Variants in TRERF1 observed in about 807,000 individuals in gnomAD.
The protein encoded by TRERF1 is transcriptional regulating factor 1.
TRERF1 carries 27 observed loss-of-function variants against 122.9 expected under a neutral mutation model. The observed-to-expected ratio is 0.22, with a 90% confidence interval of 0.16 to 0.30. The LOEUF (loss-of-function observed/expected upper bound fraction) is 0.30, where lower values mean the gene tolerates loss of function less well. TRERF1 is among the 10% of genes least tolerant of loss of function. The pLI, the probability that TRERF1 is intolerant of heterozygous loss-of-function variation, is 1.00. For synonymous variants in TRERF1, 636 were observed against 641.7 expected, an observed-to-expected ratio of 0.99 and a Z score of 0.13; for missense variants, 1,248 against 1,560.3, an observed-to-expected ratio of 0.80 and a Z score of 3.37.
At chr6:42,417,332 C>A (rs1255001455) in intron 2 of TRERF1, among the ~76,000 whole-genome samples, 6 of 17,538 alleles carry the variant, frequency 3.4e-4, no homozygotes, top group Admixed American at 6.7e-4. Context: ...CCCACGGACC[C>A]CACTCCACTC....
At chr6:42,451,444 C>G (rs1279180807) in intron 1 of TRERF1, among the ~76,000 whole-genome samples, 183 bp from the exon 2 acceptor site, 1 of 151,882 alleles carries the variant, frequency 6.6e-6, no homozygotes, top group African/African-American at 2.4e-5. Flanking sequence ...TGTGCTCCCC[C>G]ACCCAGGGTA....
intron 3 of TRERF1, among the ~76,000 whole-genome samples, chr6:42,344,183 A>G (rs376280655): frequency 1.6e-4 from 24 of 152,124 alleles, no homozygotes; most frequent in Admixed American, 1.2e-3. Flanking sequence ...CCATGCCCCC[A>G]CTATTGTTCC....
At position 42,263,562 on chromosome 6, in the gene TRERF1, C is replaced by T; in HGVS notation, c.1642G>A (p.Gly548Arg). 6.5e-7 allele frequency: 1 copy of T among 1,536,312 alleles called. No homozygotes were observed. Among genetic ancestry groups the T allele is most frequent in the East Asian group, 2.3e-5 (1 of 43,844 alleles). ...GGCTGAGGCGGCAGGACCTTCTCTCCTTCCTCCTACACAGACAATAAAGGC... is the reference window on the plus strand; with the variant it reads ...GGCTGAGGCGGCAGGACCTTCTCTCTTTCCTCCTACACAGACAATAAAGGC... The change falls in exon 8 of 18, where the codon GGA becomes AGA. Residue 548 changes from glycine (G) to arginine (R), a missense_variant. Coordinates refer to ENST00000372922, the Ensembl canonical transcript of TRERF1. The surrounding 1 kb of genome is among the most constrained non-coding windows in gnomAD (Gnocchi z 5.6).
intron 3 of TRERF1, among the ~76,000 whole-genome samples, chr6:42,306,421 T>C (rs961147470): frequency 6.6e-6 from 1 of 152,210 alleles, no homozygotes; most frequent in African/African-American, 2.4e-5. Flanking sequence ...GGCAGATCAC[T>C]TAATCAGGCC....
intron 3 of TRERF1, among the ~76,000 whole-genome samples, chr6:42,306,973 G>C (rs2150314323): frequency 6.6e-6 from 1 of 152,274 alleles, no homozygotes; most frequent in Admixed American, 6.5e-5. Flanking sequence ...AGGGATGCCT[G>C]GGTTTCACCT....
At position 42,269,629 on chromosome 6, in the gene TRERF1, A is replaced by T; in HGVS notation, c.-39T>A. The T allele has an allele frequency of 3.1e-6, 5 of 1,594,080 alleles. No homozygotes were observed. Among genetic ancestry groups the T allele is most frequent in the Non-Finnish European group, 4.3e-6 (5 of 1,168,758 alleles). On this transcript the variant is annotated 5_prime_UTR_variant, in exon 5 of 18. The change abolishes an upstream ATG in the 5' untranslated region. Coordinates refer to ENST00000372922, the Ensembl canonical transcript of TRERF1. The surrounding 1 kb of genome is among the most constrained non-coding windows in gnomAD (Gnocchi z 4.9). ...GTTGTGAACGTCCAGCCACAAAACC[A>T]TAAAAAAGGTAAATAAAACAAACCC...
intron 4 of TRERF1, among the ~76,000 whole-genome samples, chr6:42,272,038 A>T (rs987767814): frequency 1.4e-4 from 21 of 152,254 alleles, no homozygotes; most frequent in Admixed American, 7.2e-4. Context: ...CCACTGGATA[A>T]ATTTAAAACA....
chr6:42,274,002 G>C (rs1020385080), intron 4 of TRERF1, among the ~76,000 whole-genome samples: 1 of 152,202 alleles, frequency 6.6e-6, no homozygotes, highest in Non-Finnish European at 1.5e-5. Context: ...AGTTGCAGGA[G>C]GCTATTCTTT....
intron 4 of TRERF1, among the ~76,000 whole-genome samples, chr6:42,291,432 A>C (rs1784301686): frequency 6.6e-6 from 1 of 151,668 alleles, no homozygotes. Flanking sequence ...TGTGAAAAAG[A>C]AGCTGATGCA....
chr6:42,265,938 T>A (rs980540827), intron 5 of TRERF1, 141 bp from the exon 6 acceptor site: 5 of 816,308 alleles, frequency 6.1e-6, no homozygotes, highest in Non-Finnish European at 1.0e-5. Context: ...CCCATTCATG[T>A]CCACTCACTC....
At chr6:42,290,182 C>T (rs1436195827) in intron 4 of TRERF1, among the ~76,000 whole-genome samples, 1 of 152,190 alleles carries the variant, frequency 6.6e-6, no homozygotes, top group African/African-American at 2.4e-5. Context: ...CACCAGTCAG[C>T]ACACCGCTTC....
intron 3 of TRERF1, among the ~76,000 whole-genome samples, chr6:42,357,408 A>G (rs1485623314): frequency 6.6e-6 from 1 of 151,900 alleles, no homozygotes; most frequent in Non-Finnish European, 1.5e-5. Context: ...ACGAGCACAG[A>G]TGAGGCTACT....
intron 2 of TRERF1, among the ~76,000 whole-genome samples, chr6:42,379,570 A>T (rs1775550856): frequency 6.6e-6 from 1 of 152,096 alleles, no homozygotes; most frequent in South Asian, 2.1e-4. Context: ...TCGCTCTGTC[A>T]CCCAGGCTGG....
Position 42,269,823 on chromosome 6 carries a change from C to G in TRERF1, c.-233G>C. ...TGGCTGAGGTATAGACCACACAGCA[C>G]TGTGGTGAGGAGACGTCGCTCACAC... On this transcript the variant is annotated 5_prime_UTR_variant, in exon 5 of 18. Transcript: ENST00000372922. This position sits in a 1 kb window ranked among gnomAD's most constrained non-coding sequence, Gnocchi z 4.9. 10 of 1,176,470 alleles carry G rather than the reference C, an allele frequency of 8.5e-6. No individual in the cohort carries two copies. The highest frequency in any genetic ancestry group is 1.1e-5 in the Non-Finnish European group (10 of 879,130). 72.9% of individuals were successfully genotyped at this position (1,176,470 alleles called of 1,614,324 possible). A position where few individuals can be genotyped will look rare whatever the true frequency, so the allele number is the denominator to read the frequency against.
At chr6:42,387,665 G>A (rs1777029838) in intron 2 of TRERF1, among the ~76,000 whole-genome samples, 1 of 152,184 alleles carries the variant, frequency 6.6e-6, no homozygotes, top group African/African-American at 2.4e-5. Flanking sequence ...ATTCATTATA[G>A]TACTTCAATA....
chr6:42,429,969 G>A (rs140966688), intron 2 of TRERF1, among the ~76,000 whole-genome samples: 216 of 152,164 alleles, frequency 1.4e-3, no homozygotes, highest in Middle Eastern at 6.8e-3. Flanking sequence ...AGGGCCGGGA[G>A]GGAGCAATGC....
rs897155159 is a variant in TRERF1, at chr6:42,361,815, C to T, written c.-371+1182G>A. On this transcript the variant is annotated intron_variant, in intron 3 of 17. Transcript: ENST00000372922. ...TCTGCCCCACAGAGGCTCTGCCCTCCGTGGACAGCATCCACCCAGTTCCCT... is the reference window on the plus strand; with the variant it reads ...TCTGCCCCACAGAGGCTCTGCCCTCTGTGGACAGCATCCACCCAGTTCCCT... Among the ~76,000 whole-genome samples the T allele has an allele frequency of 3.3e-4, 50 of 152,332 alleles. 1 individual carries two copies. Among genetic ancestry groups the T allele is most frequent in the African/African-American group, 1.0e-3 (43 of 41,576 alleles).
rs578252727 is a variant in TRERF1 at position 42,445,401 on chromosome 6, C to T, written c.-454+5776G>A. Among the ~76,000 whole-genome samples, 3 of 150,348 alleles carry T rather than the reference C, an allele frequency of 2.0e-5. No homozygotes were observed. In the East Asian group the frequency reaches 5.8e-4, roughly 29 times the overall value. Reference sequence around the variant, plus strand: ...ACACACACACACACAGCACACACCTCCTTCACACTGCCTGTTCTTCTCTCT... The same window carrying T: ...ACACACACACACACAGCACACACCTTCTTCACACTGCCTGTTCTTCTCTCT... On this transcript the variant is annotated intron_variant, in intron 2 of 17. Transcript: ENST00000372922.
chr6:42,323,891 G>C (rs553032542), intron 3 of TRERF1, among the ~76,000 whole-genome samples: 2 of 152,316 alleles, frequency 1.3e-5, no homozygotes, highest in East Asian at 3.9e-4. Context: ...GTAGTGCAAT[G>C]GGGGAGATCT....
Sources: allele counts gnomAD v4.1 joint callset (sites outside exome capture counted in the v4.1 genomes callset), GRCh38; gene constraint gnomAD v4.1.1; non-coding constraint Gnocchi (gnomAD v3.1); transcripts MANE v1.5; gene names NCBI Gene and HGNC (gene_info 2026-07-23, HGNC 2026-07-21).